The following PTPRN2 variants were observed in gnomAD, a reference collection of about 807,000 sequenced individuals.
PTPRN2 encodes the protein protein tyrosine phosphatase receptor type N2, also known as receptor-type tyrosine-protein phosphatase N2.
PTPRN2 carries 74 observed loss-of-function variants against 118.8 expected under a neutral mutation model. That is an observed-to-expected ratio of 0.62 (90% confidence interval 0.52 to 0.76). The LOEUF (loss-of-function observed/expected upper bound fraction) is 0.76. Ranked by LOEUF, PTPRN2 falls within the 30% of genes least tolerant of loss-of-function variation. PTPRN2 has a pLI of 0.00. For synonymous variants in PTPRN2, 641 were observed against 608.0 expected, an observed-to-expected ratio of 1.05 and a Z score of -0.80; for missense variants, 1,481 against 1,394.4, an observed-to-expected ratio of 1.06 and a Z score of -0.99.
chr7:158,207,736 A>T (rs1308371721), intron 3 of PTPRN2, among the ~76,000 whole-genome samples: 1 of 152,202 alleles, frequency 6.6e-6, no homozygotes. Context: ...ACCAACAAAC[A>T]TCCAAGAGCA....
intron 12 of PTPRN2, among the ~76,000 whole-genome samples, chr7:157,867,559 C>T (rs1334614565): frequency 6.8e-6 from 1 of 147,644 alleles, no homozygotes; most frequent in Non-Finnish European, 1.5e-5. Context: ...CGGCCACCAC[C>T]CTGTCCCTGA....
chr7:158,050,927 C>A (rs560878425), intron 11 of PTPRN2, among the ~76,000 whole-genome samples: 45 of 152,344 alleles, frequency 3.0e-4, no homozygotes, highest in Non-Finnish European at 5.6e-4. Flanking sequence ...GCTCTCCCCA[C>A]GGCAGGAGTG....
rs201007961 is a variant in PTPRN2 at position 158,130,528 on chromosome 7, G to A, written c.1556+3149C>T. On this transcript the variant is annotated intron_variant, in intron 9 of 22. Coordinates refer to ENST00000389418, the MANE Select transcript of PTPRN2 (RefSeq NM_002847.5). ...AACACACACACTCATACACACACAC[G>A]TACATACAGATACACACATCTACCC... is the stretch of plus-strand genomic sequence containing the variant. Among the ~76,000 whole-genome samples the A allele has an allele frequency of 4.4e-5, 6 of 137,858 alleles. No homozygotes were observed. In the South Asian group the frequency reaches 1.2e-3, roughly 27 times the overall value. 90.4% of individuals were successfully genotyped at this position (137,858 alleles called of 152,430 possible). A position where few individuals can be genotyped will look rare whatever the true frequency, so the allele number is the denominator to read the frequency against.
At chr7:157,975,266 C>T (rs910997614) in intron 11 of PTPRN2, among the ~76,000 whole-genome samples, 1 of 152,188 alleles carries the variant, frequency 6.6e-6, no homozygotes, top group Non-Finnish European at 1.5e-5. Flanking sequence ...ATCCGAGCAT[C>T]TGCACCCTGT....
At chr7:158,309,968 G>A (rs369656057) in intron 3 of PTPRN2, among the ~76,000 whole-genome samples, 78 of 152,234 alleles carry the variant, frequency 5.1e-4, no homozygotes, top group East Asian at 3.1e-3. Flanking sequence ...CCCTTGCCCC[G>A]TCTGCCACAT....
chr7:157,928,951 G>A (rs1437784804), intron 11 of PTPRN2, among the ~76,000 whole-genome samples: 7 of 152,116 alleles, frequency 4.6e-5, no homozygotes, highest in Non-Finnish European at 8.8e-5. Flanking sequence ...AGGACAGGCT[G>A]CAGATGATGC....
chr7:158,384,314 A>G (rs6962413), intron 2 of PTPRN2, among the ~76,000 whole-genome samples: 16,738 of 152,176 alleles, frequency 0.11, 3,040 homozygotes, highest in African/African-American at 0.38. Context: ...ACACCAACAC[A>G]TCTCTCAGGA....
At chr7:157,661,153 A>T (rs1263931276) in intron 13 of PTPRN2, among the ~76,000 whole-genome samples, 1 of 152,264 alleles carries the variant, frequency 6.6e-6, no homozygotes, top group Non-Finnish European at 1.5e-5. Flanking sequence ...AGGGAGACCC[A>T]GGGTTCGGTG....
chr7:157,571,450 C>T lies in PTPRN2; in HGVS notation c.2827G>A (p.Val943Ile), dbSNP rs1250394457. ...CYRGRSCPII[V>I]HCSDGAGRSG... ...AAAAGTTGTACTTGCCTGCAATGAA[C>T]AATTATTGGACAAGAACGGCCCCTG... Residue 943 changes from valine to isoleucine, a missense_variant, in exon 20 of 23, where the codon GTT (valine) becomes ATT (isoleucine). Physicochemically the swap from Val to Ile is conservative, Grantham distance 29. This residue lies in a region of PTPRN2 where 362 missense variants were observed against 384.1 expected (regional missense o/e 0.94). Transcript: ENST00000389418. The T allele has an allele frequency of 6.2e-7, 1 of 1,608,916 alleles. No homozygotes were observed.
At position 158,126,013 on chromosome 7, in the gene PTPRN2, C is replaced by CCA. The variant is rs201983789; in HGVS notation, c.1556+7663_1556+7664insTG. On this transcript the variant is annotated intron_variant, in intron 9 of 22. Transcript: ENST00000389418. The stretch of plus-strand genomic sequence containing the variant: ...AACTTCCTCTCCACCACACCAGCCC[C>CCA]GGAGAGCGGGCGGCGGAACTTCCTC... Among the ~76,000 whole-genome samples, 504 of 144,680 alleles carry CCA rather than the reference C, an allele frequency of 3.5e-3. 1 individual carries two copies. Among genetic ancestry groups the CCA allele is most frequent in the Middle Eastern group, 0.011 (3 of 276 alleles). The allele number at this position is 144,680 out of a possible 152,430, so 94.9% of individuals were successfully genotyped here. A position where few individuals can be genotyped will look rare whatever the true frequency, so the allele number is the denominator to read the frequency against.
In PTPRN2 at chr7:158,274,584, G is replaced by A. The variant is rs150464159; in HGVS notation, c.277+42235C>T. Among the ~76,000 whole-genome samples the A allele has an allele frequency of 2.9e-3, 443 of 151,980 alleles. 4 individuals are homozygous for A. Among genetic ancestry groups the A allele is most frequent in the African/African-American group, 9.9e-3 (412 of 41,534 alleles). On this transcript the variant is annotated intron_variant, in intron 3 of 22. Transcript: ENST00000389418. ...TCCGGGATCTAGCGTGTGTGGACGA[G>A]CCCGAGGCGCTCGGCCCAGCTTGTC...
At chr7:157,760,449 C>T (rs547171362) in intron 12 of PTPRN2, among the ~76,000 whole-genome samples, 2 of 152,118 alleles carry the variant, frequency 1.3e-5, no homozygotes, top group African/African-American at 2.4e-5. Flanking sequence ...GTCCTGCCCT[C>T]GAGAGATCAT....
At chr7:158,161,450 G>C (rs1004731978) in intron 6 of PTPRN2, among the ~76,000 whole-genome samples, 3 of 152,154 alleles carry the variant, frequency 2.0e-5, no homozygotes, top group Admixed American at 6.5e-5. Context: ...GAGGTCAGCC[G>C]AGCTTTGAAA....
intron 3 of PTPRN2, among the ~76,000 whole-genome samples, chr7:158,247,217 C>T (rs988681265): frequency 2.0e-5 from 3 of 152,186 alleles, no homozygotes; most frequent in South Asian, 2.1e-4. Context: ...CCAGGAGCAC[C>T]GAGGCGCACG....
At chr7:157,836,017 G>T (rs1807908372) in intron 12 of PTPRN2, among the ~76,000 whole-genome samples, 1 of 152,002 alleles carries the variant, frequency 6.6e-6, no homozygotes. Context: ...AAAGTAAGAG[G>T]CAAAAACAAA....
chr7:158,084,878 TGATGCCCATCCACATCCTC>T (rs1813154102), intron 10 of PTPRN2, among the ~76,000 whole-genome samples: 2 of 90,312 alleles, frequency 2.2e-5, no homozygotes, highest in Admixed American at 1.2e-4. Flanking sequence ...TCCACACCCA[TGATGCCCATCCACATCCTC>T]GATGCCCATC....
chr7:158,489,470 G>A (rs2129445395), intron 2 of PTPRN2, among the ~76,000 whole-genome samples: 1 of 152,354 alleles, frequency 6.6e-6, no homozygotes, highest in East Asian at 1.9e-4. Context: ...AAAAAAGGAT[G>A]AAAAACTTGC....
At chr7:157,743,001 T>G (rs899365016) in intron 12 of PTPRN2, among the ~76,000 whole-genome samples, 24 of 152,220 alleles carry the variant, frequency 1.6e-4, no homozygotes, top group African/African-American at 5.5e-4. Context: ...GTGCTAAGGC[T>G]GTGCTTGTGT....
intron 21 of PTPRN2, among the ~76,000 whole-genome samples, chr7:157,555,247 A>G (rs1798822221): frequency 6.6e-6 from 1 of 152,236 alleles, no homozygotes; most frequent in Admixed American, 6.5e-5. Context: ...TACATTGGTT[A>G]AATACATTTG....
Sources: gnomAD v4.1 joint callset for allele counts (sites outside exome capture counted in the v4.1 genomes callset) on GRCh38, gnomAD v4.1.1 for gene constraint, gnomAD v4.1.1 regional missense constraint, MANE v1.5 for transcripts, NCBI Gene and HGNC (gene_info 2026-07-23, HGNC 2026-07-21) for gene names.